Variants in ASTN2 observed in about 807,000 individuals in gnomAD.
ASTN2 encodes the protein astrotactin 2.
Under a neutral mutation model 139.8 loss-of-function variants are expected in ASTN2, and 54 were observed. The observed-to-expected ratio is 0.39, with a 90% CI of 0.31 to 0.48. The LOEUF is 0.48. Ranked by LOEUF, ASTN2 falls within the 20% of genes least tolerant of loss-of-function variation. The probability of loss-of-function intolerance (pLI) is 0.95; values close to 1 mark genes in which losing one functional copy is unlikely to be tolerated. For missense variants in ASTN2, 1,565 were observed against 1,725.1 expected (o/e 0.91, Z 1.64); for synonymous variants, 756 against 719.5 (o/e 1.05, Z -0.81).
At chr9:117,269,372 A>C (rs1834010540) in intron 2 of ASTN2, among the ~76,000 whole-genome samples, 1 of 152,142 alleles carries the variant, frequency 6.6e-6, no homozygotes, top group South Asian at 2.1e-4. Context: ...CATTTCCCCA[A>C]ACGCAAGAGT....
At chr9:116,883,009 G>A (rs972823958) in intron 10 of ASTN2, among the ~76,000 whole-genome samples, 4 of 152,230 alleles carry the variant, frequency 2.6e-5, no homozygotes, top group South Asian at 2.1e-4. Context: ...CGAAGTGTTC[G>A]TACACGTTGA....
chr9:116,919,640 ATTTTTTTT>A (rs72054196), intron 10 of ASTN2, among the ~76,000 whole-genome samples: 2 of 113,568 alleles, frequency 1.8e-5, no homozygotes, highest in African/African-American at 3.5e-5. Flanking sequence ...CAAAAACATC[ATTTTTTTT>A]TTTTTTTTTT....
At chr9:116,811,679 A>G (rs997485651) in intron 12 of ASTN2, among the ~76,000 whole-genome samples, 4 of 152,224 alleles carry the variant, frequency 2.6e-5, no homozygotes, top group Admixed American at 2.0e-4. Flanking sequence ...AATCCTTATC[A>G]TGGGGATGTG....
intron 3 of ASTN2, among the ~76,000 whole-genome samples, chr9:117,189,478 G>T (rs1364917290): frequency 6.6e-6 from 1 of 152,150 alleles, no homozygotes; most frequent in African/African-American, 2.4e-5. Context: ...AACTTGCTGT[G>T]TAACTTCAGA....
intron 17 of ASTN2, among the ~76,000 whole-genome samples, chr9:116,627,793 T>C (rs1453303197): frequency 6.6e-6 from 1 of 152,182 alleles, no homozygotes; most frequent in African/African-American, 2.4e-5. Flanking sequence ...AATAATTACG[T>C]GATATTTATT....
At chr9:116,920,559 G>T (rs1204193866) in intron 10 of ASTN2, among the ~76,000 whole-genome samples, 1 of 152,134 alleles carries the variant, frequency 6.6e-6, no homozygotes, top group East Asian at 1.9e-4. Context: ...AAAGAAAAAT[G>T]CTTTACCATG....
intron 2 of ASTN2, among the ~76,000 whole-genome samples, chr9:117,265,845 A>G (rs1465761218): frequency 6.6e-6 from 1 of 152,056 alleles, no homozygotes; most frequent in Middle Eastern, 3.2e-3. Flanking sequence ...ATTTTAGTGG[A>G]TAAGAGGTGG....
intron 2 of ASTN2, among the ~76,000 whole-genome samples, chr9:117,269,197 GC>G (rs759629940): frequency 1.8e-4 from 27 of 152,288 alleles, no homozygotes; most frequent in Middle Eastern, 3.4e-3. Flanking sequence ...TTACATTTCA[GC>G]AAAAGACGCT....
Position 116,699,033 on chromosome 9 carries a change from C to T in ASTN2, c.2806+26738G>A. 6.2e-7 allele frequency: 1 copy of T among 1,614,182 alleles called. No homozygotes were observed. Among genetic ancestry groups the T allele is most frequent in the African/African-American group, 1.3e-5 (1 of 75,058 alleles). Reference sequence around the variant, plus strand: ...TGGGGCAGATCTACCCAACCTCACTCCTCTCTCAGTGGCAATGAACTGCCA... The same window carrying T: ...TGGGGCAGATCTACCCAACCTCACTTCTCTCTCAGTGGCAATGAACTGCCA... On this transcript the variant is annotated intron_variant, in intron 16 of 22. Coordinates refer to ENST00000313400, the MANE Select transcript of ASTN2 (RefSeq NM_001365068.1). This position sits in a 1 kb window ranked among gnomAD's most constrained non-coding sequence, Gnocchi z 4.2.
intron 13 of ASTN2, among the ~76,000 whole-genome samples, chr9:116,776,579 C>T (rs2132195876): frequency 6.6e-6 from 1 of 152,132 alleles, no homozygotes; most frequent in South Asian, 2.1e-4. Flanking sequence ...TGTAAAATGG[C>T]CTTGGTTATT....
At chr9:116,498,276 T>G (rs1564319701) in intron 19 of ASTN2, among the ~76,000 whole-genome samples, 1 of 152,184 alleles carries the variant, frequency 6.6e-6, no homozygotes, top group East Asian at 1.9e-4. Context: ...TCAGTCTCCT[T>G]GTCTCTAAAA....
At chr9:116,768,198 T>A (rs554144920) in intron 13 of ASTN2, among the ~76,000 whole-genome samples, 3 of 152,242 alleles carry the variant, frequency 2.0e-5, no homozygotes, top group East Asian at 3.9e-4. Flanking sequence ...CTGATTCCAA[T>A]TTCTCACCAC....
chr9:117,000,238 TA>T (rs375825224), intron 7 of ASTN2, among the ~76,000 whole-genome samples: 14 of 152,310 alleles, frequency 9.2e-5, no homozygotes, highest in African/African-American at 3.1e-4. Context: ...TTTTTAGTTA[TA>T]AAAAATAAGG....
Position 116,796,111 on chromosome 9 carries a change from A to G in ASTN2, c.2396+9521T>C, listed in dbSNP as rs1171313775. Among the ~76,000 whole-genome samples, 4 of 152,332 alleles carry G rather than the reference A, an allele frequency of 2.6e-5. No homozygotes were observed. In the East Asian group the frequency reaches 7.7e-4, roughly 29 times the overall value. On this transcript the variant is annotated intron_variant, in intron 13 of 22. Coordinates refer to ENST00000313400, the MANE Select transcript of ASTN2 (RefSeq NM_001365068.1). ...CACGTGGGACTTCTGTCTGCCAAGG[A>G]CAGATATGAAACAGGTTCCAATTCC...
chr9:116,583,163 C>T (rs923221962), intron 19 of ASTN2: 7 of 152,176 alleles, frequency 4.6e-5, no homozygotes, highest in African/African-American at 1.7e-4. Flanking sequence ...ATGCAGTTCT[C>T]CTTGGACTCT....
intron 17 of ASTN2, among the ~76,000 whole-genome samples, chr9:116,648,381 C>T (rs1226541847): frequency 1.3e-5 from 2 of 152,104 alleles, no homozygotes; most frequent in Non-Finnish European, 2.9e-5. Context: ...ATCCTCTCAC[C>T]TCAGGCTCCC....
chr9:117,221,305 C>A (rs1273897879), intron 2 of ASTN2, among the ~76,000 whole-genome samples: 1 of 152,030 alleles, frequency 6.6e-6, no homozygotes, highest in East Asian at 1.9e-4. Flanking sequence ...CCAAGAGAGC[C>A]TTCTGAAAAG....
intron 2 of ASTN2, among the ~76,000 whole-genome samples, chr9:117,263,128 G>A (rs935305467): frequency 2.0e-5 from 3 of 152,104 alleles, no homozygotes; most frequent in African/African-American, 7.2e-5. Context: ...CTGCAGGCAT[G>A]GACACATGAG....
intron 17 of ASTN2, among the ~76,000 whole-genome samples, chr9:116,624,472 G>A (rs1332950220): frequency 1.3e-5 from 2 of 152,208 alleles, no homozygotes; most frequent in African/African-American, 4.8e-5. Flanking sequence ...ATGCTATGAA[G>A]TAATACACAT....
Sources: allele counts gnomAD v4.1 joint callset (sites outside exome capture counted in the v4.1 genomes callset), GRCh38; gene constraint gnomAD v4.1.1; non-coding constraint Gnocchi (gnomAD v3.1); transcripts MANE v1.5; gene names NCBI Gene and HGNC (gene_info 2026-07-23, HGNC 2026-07-21).